The following PAX5 variants were observed in gnomAD, a reference collection of about 807,000 sequenced individuals.
The protein encoded by PAX5 is paired box 5.
A neutral mutation model predicts 43.7 loss-of-function variants in PAX5; 9 were observed. That is an observed-to-expected ratio of 0.21 (90% CI 0.12 to 0.36). The LOEUF is 0.36. Ranked by LOEUF, PAX5 falls within the 10% of genes least tolerant of loss-of-function variation. The pLI is 1.00. For missense variants in PAX5, 383 were observed against 532.7 expected (o/e 0.72, Z 2.77); for synonymous variants, 228 against 214.3 (o/e 1.06, Z -0.56).
At chr9:36,963,445 C>T (rs753170677) in intron 6 of PAX5, among the ~76,000 whole-genome samples, 10 of 152,234 alleles carry the variant, frequency 6.6e-5, no homozygotes, top group Admixed American at 1.3e-4. Flanking sequence ...ACATCCCCCT[C>T]TCTGGCTGAC....
chr9:36,886,054 A>C (rs2131788137), intron 7 of PAX5, among the ~76,000 whole-genome samples: 1 of 152,106 alleles, frequency 6.6e-6, no homozygotes, highest in Non-Finnish European at 1.5e-5. Context: ...CTTCTCCCTT[A>C]TCCTGAGAAT....
chr9:36,864,052 T>C (rs1712190469), intron 8 of PAX5, among the ~76,000 whole-genome samples: 1 of 152,208 alleles, frequency 6.6e-6, no homozygotes, highest in South Asian at 2.1e-4. Context: ...GAGGTTGCAG[T>C]GAGCCGAGAT....
At chr9:36,909,973 C>T (rs1829132525) in intron 7 of PAX5, among the ~76,000 whole-genome samples, 1 of 151,952 alleles carries the variant, frequency 6.6e-6, no homozygotes, top group Admixed American at 6.6e-5. Flanking sequence ...GGGCACGCAC[C>T]ACCACATCCA....
intron 8 of PAX5, among the ~76,000 whole-genome samples, chr9:36,865,373 T>C (rs1347107695): frequency 1.3e-5 from 2 of 152,228 alleles, no homozygotes; most frequent in African/African-American, 2.4e-5. Flanking sequence ...AGCTGGTTTC[T>C]TTCCATCTGA....
At chr9:36,939,952 G>A (rs969999495) in intron 6 of PAX5, among the ~76,000 whole-genome samples, 2 of 152,224 alleles carry the variant, frequency 1.3e-5, no homozygotes, top group African/African-American at 4.8e-5. Flanking sequence ...CTGGAACTCG[G>A]GCTGGGGCTG....
intron 6 of PAX5, among the ~76,000 whole-genome samples, chr9:36,934,632 G>T (rs992498302): frequency 1.3e-5 from 2 of 152,140 alleles, no homozygotes; most frequent in African/African-American, 4.8e-5. Context: ...ATTAACTAGG[G>T]GGAAGTACTA....
At chr9:36,860,689 C>T (rs1365472143) in intron 8 of PAX5, among the ~76,000 whole-genome samples, 1 of 152,154 alleles carries the variant, frequency 6.6e-6, no homozygotes, top group Non-Finnish European at 1.5e-5. Flanking sequence ...GTCCAGTTCC[C>T]ACGGCCTCTG....
intron 6 of PAX5, among the ~76,000 whole-genome samples, chr9:36,941,686 G>A (rs1832066184): frequency 6.6e-6 from 1 of 152,094 alleles, no homozygotes. Context: ...CCCACCTCAA[G>A]GCAATGCCCC....
intron 6 of PAX5, among the ~76,000 whole-genome samples, chr9:36,929,268 A>G (rs561482627): frequency 7.6e-6 from 1 of 130,790 alleles, no homozygotes; most frequent in South Asian, 2.4e-4. Flanking sequence ...GAAGGAAGGA[A>G]GGAAGGAAGG....
chr9:37,030,025 T>A (rs940876427), intron 1 of PAX5, among the ~76,000 whole-genome samples: 20 of 152,062 alleles, frequency 1.3e-4, no homozygotes, highest in African/African-American at 4.8e-4. Flanking sequence ...CACACGCAGG[T>A]TTTCCTTCGG....
chr9:36,929,242 G>GAAGGAAGGAAGA (rs1301955029), intron 6 of PAX5, among the ~76,000 whole-genome samples: 523 of 6,546 alleles, frequency 0.08, 5 homozygotes, highest in South Asian at 0.26. Context: ...AAGGAGGAAG[G>GAAGGAAGGAAGA]AAGGAAGGAA....
chr9:36,990,727 A>G (rs1198006636), intron 5 of PAX5, among the ~76,000 whole-genome samples: 1 of 152,286 alleles, frequency 6.6e-6, no homozygotes, highest in Non-Finnish European at 1.5e-5. Flanking sequence ...AACGCTTGCC[A>G]TAAGGCAGGC....
intron 8 of PAX5, chr9:36,861,060 A>T (rs1196456901): frequency 1.3e-5 from 2 of 152,420 alleles, no homozygotes; most frequent in African/African-American, 4.8e-5. Flanking sequence ...AGGGGAGGAA[A>T]GATATCTTGG....
At chr9:36,842,760 G>A (rs1198990992) in intron 9 of PAX5, among the ~76,000 whole-genome samples, 10 of 152,064 alleles carry the variant, frequency 6.6e-5, no homozygotes, top group African/African-American at 2.4e-4. Context: ...GACCGCAGCC[G>A]GCCTTTCTTC....
intron 5 of PAX5, among the ~76,000 whole-genome samples, chr9:36,985,079 A>G (rs1282510913): frequency 8.5e-5 from 13 of 152,226 alleles, no homozygotes. Flanking sequence ...CTAGTGTTAG[A>G]TTCCCAGCTT....
intron 6 of PAX5, among the ~76,000 whole-genome samples, chr9:36,953,106 C>G (rs1383349046): frequency 6.6e-6 from 1 of 152,064 alleles, no homozygotes; most frequent in Non-Finnish European, 1.5e-5. Context: ...GTATAATTCC[C>G]CATGATATAA....
chr9:36,966,212 T>G (rs942452420), intron 6 of PAX5, among the ~76,000 whole-genome samples: 4 of 152,236 alleles, frequency 2.6e-5, no homozygotes, highest in Admixed American at 6.5e-5. Flanking sequence ...GACAAGATAC[T>G]GACCCAAGAC....
At chr9:37,014,304 T>C (rs936241200) in intron 3 of PAX5, among the ~76,000 whole-genome samples, 1 of 152,234 alleles carries the variant, frequency 6.6e-6, no homozygotes, top group African/African-American at 2.4e-5. Flanking sequence ...AGGGTGTTTC[T>C]CTGGTTCTTT....
chr9:36,907,013 C>T (rs1033958273), intron 7 of PAX5, among the ~76,000 whole-genome samples: 1 of 152,126 alleles, frequency 6.6e-6, no homozygotes, highest in African/African-American at 2.4e-5. Flanking sequence ...TGATCAGTTT[C>T]CCAGACCCCA....
Sources: allele counts gnomAD v4.1 joint callset (sites outside exome capture counted in the v4.1 genomes callset), GRCh38; gene constraint gnomAD v4.1.1; transcripts MANE v1.5; gene names NCBI Gene and HGNC (gene_info 2026-07-23, HGNC 2026-07-21).